FIZ1: variants seen among roughly 807,000 people sequenced by gnomAD.
FIZ1 encodes FLT3 interacting zinc finger 1.
Under a neutral mutation model 5.3 loss-of-function variants are expected in FIZ1, and 2 were observed. That is an observed-to-expected ratio of 0.37 (90% CI 0.15 to 1.18). FIZ1 has a LOEUF of 1.18. Among genes scored for constraint, FIZ1 ranks in the 50% most tolerant of loss-of-function variants. The probability of loss-of-function intolerance (pLI) is 0.37; values close to 1 mark genes in which losing one functional copy is unlikely to be tolerated. For synonymous variants in FIZ1, 407 were observed against 364.2 expected, an observed-to-expected ratio of 1.12 and a Z score of -1.34; for missense variants, 631 against 749.7, an observed-to-expected ratio of 0.84 and a Z score of 1.85.
At chr19:55,595,578 G>C (rs1239059087) in intron 2 of FIZ1, 2 of 152,174 alleles carry the variant, frequency 1.3e-5, no homozygotes, top group Non-Finnish European at 2.9e-5. Flanking sequence ...CTCCCCACCA[G>C]CTAAGGACGA....
intron 2 of FIZ1, among the ~76,000 whole-genome samples, chr19:55,594,618 A>G (rs541902354): frequency 7.1e-6 from 1 of 140,248 alleles, no homozygotes; most frequent in African/African-American, 2.7e-5. Flanking sequence ...AATGGCATGA[A>G]CCCGGGAGGC....
Position 55,592,857 on chromosome 19 carries a change from G to C in FIZ1, c.1084C>G (p.His362Asp), listed in dbSNP as rs764720179. ...AGCGCCGCGTACAGAGCCCCGCAGT[G>C]GCCGCAGCCGTAGGTGGCCGGGCCC... The part of the protein sequence containing the change: ...HSGPATYGCG[H>D]CGALYAALAA... Residue 362 changes from histidine (H) to aspartate (D), a missense_variant, in exon 3 of 3, where the codon CAC (histidine) becomes GAC (aspartate). Around this residue, in one of 4 missense-constraint regions of FIZ1, gnomAD observed 463 missense variants for 455.1 expected, o/e 1.02. Transcript: ENST00000221665. This position sits in a 1 kb window ranked among gnomAD's most constrained non-coding sequence, Gnocchi z 6.9. 4.1e-5 allele frequency: 63 copies of C among 1,544,984 alleles called. No homozygotes were observed. The highest frequency in any genetic ancestry group is 5.2e-5 in the Non-Finnish European group (60 of 1,151,462).
intron 2 of FIZ1, among the ~76,000 whole-genome samples, chr19:55,594,001 G>A (rs1447828648): frequency 1.3e-5 from 2 of 152,032 alleles, no homozygotes; most frequent in Non-Finnish European, 2.9e-5. Context: ...AGCTACCTGG[G>A]AGGCTGAGCC....
chr19:55,593,260 G>A lies in FIZ1; in HGVS notation c.681C>T (p.Pro227=), dbSNP rs1980133519. The A allele has an allele frequency of 7.8e-7, 1 of 1,274,198 alleles. No individual in the cohort carries two copies. Among genetic ancestry groups the A allele is most frequent in the South Asian group, 1.7e-5 (1 of 57,348 alleles). 78.9% of individuals were successfully genotyped at this position (1,274,198 alleles called of 1,614,324 possible). A position where few individuals can be genotyped will look rare whatever the true frequency, so the allele number is the denominator to read the frequency against. Reference sequence around the variant, plus strand: ...CGCGCTCGCAGCGCGGGCACTTGAAGGGCTTCACGTCGGTGTGCGCCGCCC... The same window carrying A: ...CGCGCTCGCAGCGCGGGCACTTGAAAGGCTTCACGTCGGTGTGCGCCGCCC... ...AHWAAHTDVK[P]FKCPRCERDF... is the part of the protein sequence containing the mutation. Residue 227 remains proline, a synonymous_variant, in exon 3 of 3, where the codon CCC becomes CCT. Coordinates refer to ENST00000221665, the MANE Select transcript of FIZ1 (RefSeq NM_032836.3). This position sits in a 1 kb window ranked among gnomAD's most constrained non-coding sequence, Gnocchi z 6.3.
In FIZ1 at chr19:55,593,698, A is replaced by T. The variant is rs575158270; in HGVS notation, c.295-52T>A. Reference sequence around the variant, plus strand: ...CGTCAGGGCTGAGAACCTAGCCCGGACAACGGATTCCTGGACTCCCAGAGG... The same window carrying T: ...CGTCAGGGCTGAGAACCTAGCCCGGTCAACGGATTCCTGGACTCCCAGAGG... On this transcript the variant is annotated intron_variant, in intron 2 of 2. Transcript: ENST00000221665. This position sits in a 1 kb window ranked among gnomAD's most constrained non-coding sequence, Gnocchi z 6.3. 6.7e-7 allele frequency: 1 copy of T among 1,498,618 alleles called. No homozygotes were observed. The highest frequency in any genetic ancestry group is 9.1e-7 in the Non-Finnish European group (1 of 1,101,222). The allele number at this position is 1,498,618 out of a possible 1,614,324, so 92.8% of individuals were successfully genotyped here.
chr19:55,592,521 T>C lies in FIZ1; in HGVS notation c.1420A>G (p.Ile474Val), dbSNP rs970479149. 6.2e-7 allele frequency: 1 copy of C among 1,604,924 alleles called. No individual in the cohort carries two copies. The highest frequency in any genetic ancestry group is 8.5e-7 in the Non-Finnish European group (1 of 1,176,126). Residue 474 changes from isoleucine (I) to valine (V), a missense_variant, in exon 3 of 3, where the codon ATC (isoleucine) becomes GTC (valine). Around this residue, in one of 4 missense-constraint regions of FIZ1, gnomAD observed 61 missense variants for 96.9 expected, o/e 0.63. Transcript: ENST00000221665. The surrounding 1 kb of genome is among the most constrained non-coding windows in gnomAD (Gnocchi z 6.9). ...HGTERPFPCH[I>V]CGKGFITLSN... ...AGCGTGATGAAGCCCTTGCCGCAGATGTGGCAAGGGAAGGGCCGCTCGGTG... is the reference window on the plus strand; with the variant it reads ...AGCGTGATGAAGCCCTTGCCGCAGACGTGGCAAGGGAAGGGCCGCTCGGTG...
Position 55,593,142 on chromosome 19 carries a change from G to C in FIZ1, c.799C>G (p.Pro267Ala), listed in dbSNP as rs1980120111. 1 of 1,196,196 alleles carries C rather than the reference G, an allele frequency of 8.4e-7. No individual in the cohort carries two copies. The highest frequency in any genetic ancestry group is 1.0e-6 in the Non-Finnish European group (1 of 961,476). 74.1% of individuals were successfully genotyped at this position (1,196,196 alleles called of 1,614,324 possible). A position where few individuals can be genotyped will look rare whatever the true frequency, so the allele number is the denominator to read the frequency against. Residue 267 changes from proline to alanine, a missense_variant, in exon 3 of 3, where the codon CCA (proline) becomes GCA (alanine). Pro to Ala is a conservative substitution (Grantham distance 27). Transcript: ENST00000221665. The surrounding 1 kb of genome is among the most constrained non-coding windows in gnomAD (Gnocchi z 6.3). ...CCCGCCGTCTCGGGCCCTGCGCCTG[G>C]CCCCGCGGCCCAGGCCTGCGCTGGG... ...APPAQAWAAGPGAGPETAGEG... is the reference protein window; with the variant it reads ...APPAQAWAAGAGAGPETAGEG...
At chr19:55,598,133 C>T (rs75515951) in intron 1 of FIZ1, 34,391 of 551,524 alleles carry the variant, frequency 0.062, 1,358 homozygotes, top group Non-Finnish European at 0.085. Flanking sequence ...CCTCACTCCA[C>T]GGAGTGTTTT....
rs1204223584 is a variant in FIZ1, at chr19:55,597,747, C to T, written c.119G>A (p.Arg40His). The change falls in exon 2 of 3, where the codon CGC (arginine) becomes CAC (histidine). Residue 40 changes from arginine (R) to histidine (H), a missense_variant. By Grantham distance (29) the Arg-to-His change is conservative (BLOSUM62 0). This residue lies in a region of FIZ1 where 68 missense variants were observed against 163.4 expected (regional missense o/e 0.42). Coordinates refer to ENST00000221665, the MANE Select transcript of FIZ1 (RefSeq NM_032836.3). ...GAGCGCTGTGTGCCGGGCAAAGTGG[C>T]GCCGCAGGTCTGAGCGGTAGCGGAA... ...KSFRYRSDLR[R>H]HFARHTALKP... The T allele has an allele frequency of 6.2e-7, 1 of 1,613,978 alleles. No homozygotes were observed. The highest frequency in any genetic ancestry group is 8.5e-7 in the Non-Finnish European group (1 of 1,179,938).
chr19:55,597,435 A>G (rs1980378890), intron 2 of FIZ1, 137 bp downstream of exon 2: 6 of 1,425,224 alleles, frequency 4.2e-6, no homozygotes, highest in Non-Finnish European at 4.6e-6. Flanking sequence ...GTAGGGAGGG[A>G]GGGACATTTT....
intron 2 of FIZ1, among the ~76,000 whole-genome samples, chr19:55,596,836 C>G (rs910757342): frequency 6.6e-6 from 1 of 152,148 alleles, no homozygotes; most frequent in African/African-American, 2.4e-5. Context: ...ACACGCCTGG[C>G]TAATTTTTGT....
In FIZ1 at chr19:55,592,476, G is replaced by C. The variant is rs1359641510; in HGVS notation, c.1465C>G (p.Leu489Val). The change falls in exon 3 of 3, where the codon CTG becomes GTG. Residue 489 changes from leucine to valine, a missense_variant. By Grantham distance (32) the Leu-to-Val change is conservative. Transcript: ENST00000221665. This position sits in a 1 kb window ranked among gnomAD's most constrained non-coding sequence, Gnocchi z 6.9. ...FITLSNLSRH[L>V]KLHRGMD ...CAGTCCATGCCCCGGTGCAGCTTCA[G>C]GTGCCTGGAGAGGTTGCTGAGCGTG... 5.7e-6 allele frequency: 9 copies of C among 1,583,184 alleles called. No individual in the cohort carries two copies. Among genetic ancestry groups the C allele is most frequent in the Non-Finnish European group, 7.7e-6 (9 of 1,164,936 alleles).
At chr19:55,599,081 C>G (rs1980487593) in intron 1 of FIZ1, 5 of 152,606 alleles carry the variant, frequency 3.3e-5, no homozygotes, top group Admixed American at 3.3e-4. Flanking sequence ...AACCCCACCT[C>G]TTTGCCTAAG....
rs562883522 is a variant in FIZ1, at chr19:55,593,127, C to G, written c.814G>C (p.Glu272Gln). The G allele has an allele frequency of 9.1e-4, 1,130 of 1,243,266 alleles. 1 individual carries two copies. The highest frequency in any genetic ancestry group is 1.1e-3 in the Non-Finnish European group (1,103 of 989,850). 77.0% of individuals were successfully genotyped at this position (1,243,266 alleles called of 1,614,324 possible). Residue 272 changes from glutamate (E) to glutamine (Q), a missense_variant, in exon 3 of 3, where the codon GAG becomes CAG. Transcript: ENST00000221665. This position sits in a 1 kb window ranked among gnomAD's most constrained non-coding sequence, Gnocchi z 6.3. Reference sequence around the variant, plus strand: ...GCAGCGGTGCCTTCGCCCGCCGTCTCGGGCCCTGCGCCTGGCCCCGCGGCC... The same window carrying G: ...GCAGCGGTGCCTTCGCCCGCCGTCTGGGGCCCTGCGCCTGGCCCCGCGGCC... Reference protein sequence around the residue: ...AWAAGPGAGPETAGEGTAAEA... With the variant: ...AWAAGPGAGPQTAGEGTAAEA...
Position 55,597,665 on chromosome 19 carries a change from G to A in FIZ1, c.201C>T (p.Ala67=). ...CCCCGGTGTGCGAGCGCAGGTGGTT[G>A]GCTAGGTTGAAGCTGTGCTTGAAAC... The part of the protein sequence containing the change: ...GKGFKHSFNL[A]NHLRSHTGER... The change falls in exon 2 of 3, where the codon GCC becomes GCT. Residue 67 remains alanine, a synonymous_variant. Coordinates refer to ENST00000221665, the MANE Select transcript of FIZ1 (RefSeq NM_032836.3). 6.2e-7 allele frequency: 1 copy of A among 1,613,980 alleles called. No homozygotes were observed. Among genetic ancestry groups the A allele is most frequent in the Non-Finnish European group, 8.5e-7 (1 of 1,179,914 alleles).
Position 55,592,282 on chromosome 19 carries a change from T to G in FIZ1, c.*168A>C. 1 of 701,320 alleles carries G rather than the reference T, an allele frequency of 1.4e-6. No individual in the cohort carries two copies. The highest frequency in any genetic ancestry group is 2.3e-6 in the Non-Finnish European group (1 of 442,478). The allele number at this position is 701,320 out of a possible 1,614,324, so 43.4% of individuals were successfully genotyped here. A position where few individuals can be genotyped will look rare whatever the true frequency, so the allele number is the denominator to read the frequency against. Reference sequence around the variant, plus strand: ...TGTGGTCCCCCAGCTCCGGGGCCTTTGTGGGTTTTTGGTGGCCCCCACCTC... The same window carrying G: ...TGTGGTCCCCCAGCTCCGGGGCCTTGGTGGGTTTTTGGTGGCCCCCACCTC... On this transcript the variant is annotated 3_prime_UTR_variant, in exon 3 of 3. Coordinates refer to ENST00000221665, the MANE Select transcript of FIZ1 (RefSeq NM_032836.3). This position sits in a 1 kb window ranked among gnomAD's most constrained non-coding sequence, Gnocchi z 6.9.
intron 2 of FIZ1, 114 bp downstream of exon 2, chr19:55,597,458 G>GGC: frequency 6.9e-7 from 1 of 1,441,410 alleles, no homozygotes; most frequent in Non-Finnish European, 9.1e-7. Flanking sequence ...AATGGGAGGA[G>GGC]GCGGGCGCCT....
chr19:55,592,422 G>A lies in FIZ1; in HGVS notation c.*28C>T. ...CCAGGCCGAGTCCAGGAGGCTGGGT[G>A]GAGGGCAGGGCGCACGCAGCCTGGC... is the stretch of plus-strand genomic sequence containing the variant. On this transcript the variant is annotated 3_prime_UTR_variant, in exon 3 of 3. Coordinates refer to ENST00000221665, the MANE Select transcript of FIZ1 (RefSeq NM_032836.3). This position sits in a 1 kb window ranked among gnomAD's most constrained non-coding sequence, Gnocchi z 6.9. The A allele has an allele frequency of 6.6e-7, 1 of 1,516,708 alleles. No individual in the cohort carries two copies. Among genetic ancestry groups the A allele is most frequent in the Non-Finnish European group, 8.9e-7 (1 of 1,127,214 alleles). 94.0% of individuals were successfully genotyped at this position (1,516,708 alleles called of 1,614,324 possible). A position where few individuals can be genotyped will look rare whatever the true frequency, so the allele number is the denominator to read the frequency against.
At chr19:55,595,763 T>C (rs1029315827) in intron 2 of FIZ1, 1 of 152,220 alleles carries the variant, frequency 6.6e-6, no homozygotes, top group African/African-American at 2.4e-5. Flanking sequence ...GTTCCCTGGA[T>C]CCGGAAAGCC....
Sources: gnomAD v4.1 joint callset for allele counts (sites outside exome capture counted in the v4.1 genomes callset) on GRCh38, gnomAD v4.1.1 for gene constraint, gnomAD v4.1.1 regional missense constraint, Gnocchi (gnomAD v3.1) non-coding constraint, MANE v1.5 for transcripts, NCBI Gene and HGNC (gene_info 2026-07-23, HGNC 2026-07-21) for gene names.